Variants in MRRF observed in about 807,000 individuals in gnomAD.
MRRF encodes ribosome-recycling factor, mitochondrial.
Under a neutral mutation model 25.1 loss-of-function variants are expected in MRRF, and 18 were observed. That is an observed-to-expected ratio of 0.72 (90% CI 0.50 to 1.06). MRRF has a LOEUF of 1.06. Among genes scored for constraint, MRRF ranks in the 50% least tolerant of loss-of-function variants. The pLI is 0.00. For missense variants in MRRF, 323 were observed against 319.3 expected, an observed-to-expected ratio of 1.01 and a Z score of -0.09; for synonymous variants, 113 against 112.1, an observed-to-expected ratio of 1.01 and a Z score of -0.05.
rs552904354 is a variant in MRRF, at chr9:122,292,366, C to A, written c.551+526C>A. Among the ~76,000 whole-genome samples the A allele has an allele frequency of 1.2e-4, 18 of 152,202 alleles. No individual in the cohort carries two copies. In the South Asian group the frequency reaches 3.5e-3, roughly 30 times the overall value. ...ACACTGGTAGTCTCTAACTTATATT[C>A]TTTGAAGAGCTATTTTTTTTACATT... On this transcript the variant is annotated intron_variant, in intron 5 of 6. Coordinates refer to ENST00000344641, the MANE Select transcript of MRRF (RefSeq NM_138777.5).
intron 3 of MRRF, among the ~76,000 whole-genome samples, chr9:122,282,242 C>T (rs1017075856): frequency 3.3e-5 from 5 of 152,218 alleles, no homozygotes; most frequent in African/African-American, 1.2e-4. Context: ...ACAGCAATTT[C>T]TATCTCCCAG....
intron 2 of MRRF, among the ~76,000 whole-genome samples, chr9:122,273,018 A>T (rs1321011656): frequency 6.6e-6 from 1 of 152,184 alleles, no homozygotes; most frequent in African/African-American, 2.4e-5. Context: ...TAAATTTCAT[A>T]CTGCCTGACT....
At chr9:122,315,481 T>G (rs1294826565) in intron 6 of MRRF, among the ~76,000 whole-genome samples, 1 of 152,188 alleles carries the variant, frequency 6.6e-6, no homozygotes, top group Non-Finnish European at 1.5e-5. Context: ...AAAAAGGGAT[T>G]GGTAATTTCT....
At chr9:122,310,073 T>C (rs997816890) in intron 5 of MRRF, among the ~76,000 whole-genome samples, 3 of 152,240 alleles carry the variant, frequency 2.0e-5, no homozygotes, top group African/African-American at 7.2e-5. Flanking sequence ...ATGCTTCCCA[T>C]GTATTACCTC....
In MRRF at chr9:122,324,692, C is replaced by G. The variant is rs146632729; in HGVS notation, c.*2075C>G. 1.3e-5 allele frequency: 2 copies of G among 152,238 alleles called. No homozygotes were observed. Among genetic ancestry groups the G allele is most frequent in the African/African-American group, 2.4e-5 (1 of 41,456 alleles). 9.4% of individuals were successfully genotyped at this position (152,238 alleles called of 1,614,324 possible). A position where few individuals can be genotyped will look rare whatever the true frequency, so the allele number is the denominator to read the frequency against. On this transcript the variant is annotated 3_prime_UTR_variant, in exon 7 of 7. Coordinates refer to ENST00000344641, the MANE Select transcript of MRRF (RefSeq NM_138777.5). The stretch of plus-strand genomic sequence containing the variant: ...GTGGCAAGGCCTGGCTGAGTTCTTT[C>G]AAAGCAACATCCAACTTCTCTTTGC...
chr9:122,323,343 T>G lies in MRRF; in HGVS notation c.*726T>G, dbSNP rs1174432862. 6.5e-6 allele frequency: 1 copy of G among 153,050 alleles called. No individual in the cohort carries two copies. The highest frequency in any genetic ancestry group is 2.4e-5 in the African/African-American group (1 of 41,476). The allele number at this position is 153,050 out of a possible 1,614,324, so 9.5% of individuals were successfully genotyped here. The stretch of plus-strand genomic sequence containing the variant: ...ACAGTCTACTGCTTTGTACGAATTC[T>G]AAGTATTCTTGTTGCACTTAATTAG... On this transcript the variant is annotated 3_prime_UTR_variant, in exon 7 of 7. Coordinates refer to ENST00000344641, the MANE Select transcript of MRRF (RefSeq NM_138777.5).
At chr9:122,311,923 G>A (rs1218078642) in intron 5 of MRRF, among the ~76,000 whole-genome samples, 1 of 151,952 alleles carries the variant, frequency 6.6e-6, no homozygotes, top group African/African-American at 2.4e-5. Flanking sequence ...TGCTTTGGCA[G>A]AACAAAAAAG....
At position 122,324,698 on chromosome 9, in the gene MRRF, A is replaced by C. The variant is rs1836072064; in HGVS notation, c.*2081A>C. 6.6e-6 allele frequency: 1 copy of C among 152,232 alleles called. No individual in the cohort carries two copies. 9.4% of individuals were successfully genotyped at this position (152,232 alleles called of 1,614,324 possible). On this transcript the variant is annotated 3_prime_UTR_variant, in exon 7 of 7. Transcript: ENST00000344641. ...AGGCCTGGCTGAGTTCTTTCAAAGC[A>C]ACATCCAACTTCTCTTTGCTCTTTG...
intron 3 of MRRF, among the ~76,000 whole-genome samples, chr9:122,284,229 C>T (rs1386766151): frequency 2.6e-5 from 4 of 152,108 alleles, no homozygotes; most frequent in African/African-American, 4.8e-5. Context: ...GATGCACAGC[C>T]GGATTTGAGT....
intron 2 of MRRF, 87 bp from the exon 3 acceptor site, chr9:122,280,356 C>T (rs1199828324): frequency 7.8e-6 from 11 of 1,404,562 alleles, no homozygotes; most frequent in Non-Finnish European, 1.1e-5. Context: ...ACATTTTTCC[C>T]TGTACATAGT....
rs10985593 is a variant in MRRF at position 122,311,104 on chromosome 9, G to A, written c.552-2123G>A. Among the ~76,000 whole-genome samples the A allele has an allele frequency of 3.4e-3, 513 of 152,274 alleles. 5 individuals are homozygous for A. Among genetic ancestry groups the A allele is most frequent in the Admixed American group, 8.5e-3 (130 of 15,294 alleles). On this transcript the variant is annotated intron_variant, in intron 5 of 6. Coordinates refer to ENST00000344641, the MANE Select transcript of MRRF (RefSeq NM_138777.5). ...TGTCTTTTTAAATCTTCATTTTAGAGATAAGGAAACTGAGGCTCACAGAGA... is the reference window on the plus strand; with the variant it reads ...TGTCTTTTTAAATCTTCATTTTAGAAATAAGGAAACTGAGGCTCACAGAGA...
chr9:122,275,484 A>C (rs1251457861), intron 2 of MRRF, among the ~76,000 whole-genome samples: 1 of 152,082 alleles, frequency 6.6e-6, no homozygotes, highest in Non-Finnish European at 1.5e-5. Context: ...AAAATACAAA[A>C]ATTAGCCAGG....
chr9:122,266,593 A>T (rs1832102894), intron 1 of MRRF, among the ~76,000 whole-genome samples: 1 of 152,250 alleles, frequency 6.6e-6, no homozygotes, highest in Non-Finnish European at 1.5e-5. Flanking sequence ...TTTTATATGC[A>T]AGAGCCTGCG....
intron 5 of MRRF, among the ~76,000 whole-genome samples, chr9:122,298,604 A>G (rs1189984251): frequency 5.9e-5 from 9 of 152,170 alleles, no homozygotes; most frequent in Non-Finnish European, 8.8e-5. Flanking sequence ...GAGGATATAG[A>G]GTTTTTATGC....
intron 5 of MRRF, among the ~76,000 whole-genome samples, chr9:122,307,280 A>G (rs377207627): frequency 1.1e-4 from 17 of 152,288 alleles, no homozygotes; most frequent in East Asian, 9.7e-4. Context: ...GTCAGTGGCA[A>G]TGTCAGGAAT....
At chr9:122,293,649 T>C (rs1833909772) in intron 5 of MRRF, among the ~76,000 whole-genome samples, 1 of 152,154 alleles carries the variant, frequency 6.6e-6, no homozygotes, top group South Asian at 2.1e-4. Flanking sequence ...TAGGTTCAAG[T>C]CTTTCTGCTT....
At chr9:122,271,195 G>A (rs748496842) in intron 2 of MRRF, 120 bp downstream of exon 2, 2 of 884,714 alleles carry the variant, frequency 2.3e-6, no homozygotes, top group Non-Finnish European at 3.8e-6. Flanking sequence ...AGGAAATGGT[G>A]CCTCAGCTAT....
chr9:122,284,683 G>A (rs1233933908), intron 3 of MRRF, among the ~76,000 whole-genome samples: 1 of 152,162 alleles, frequency 6.6e-6, no homozygotes, highest in African/African-American at 2.4e-5. Flanking sequence ...ACTTAGTTCT[G>A]TCAACATTTC....
intron 1 of MRRF, among the ~76,000 whole-genome samples, chr9:122,269,720 AG>A (rs1225415444): frequency 2.4e-4 from 36 of 152,314 alleles, no homozygotes; most frequent in African/African-American, 7.7e-4. Flanking sequence ...AGTGTGACTC[AG>A]TCTCAAAAGA....
Sources: allele counts gnomAD v4.1 joint callset (sites outside exome capture counted in the v4.1 genomes callset), GRCh38; gene constraint gnomAD v4.1.1; transcripts MANE v1.5; gene names NCBI Gene and HGNC (gene_info 2026-07-23, HGNC 2026-07-21).